The following PKHD1L1 variants were observed in gnomAD, a reference collection of about 807,000 sequenced individuals.
PKHD1L1 encodes fibrocystin-L.
In PKHD1L1, 434 loss-of-function variants were observed where a neutral mutation model predicts 462.9. The ratio of observed to expected loss-of-function variants is 0.94; its 90% CI spans 0.87 to 1.02. The LOEUF (loss-of-function observed/expected upper bound fraction) is 1.02. Among genes scored for constraint, PKHD1L1 ranks in the 50% least tolerant of loss-of-function variants. PKHD1L1 has a pLI of 0.00. For synonymous variants in PKHD1L1, 1,781 were observed against 1,750.0 expected, an observed-to-expected ratio of 1.02 and a Z score of -0.44; for missense variants, 5,202 against 5,096.1, an observed-to-expected ratio of 1.02 and a Z score of -0.63.
intron 37 of PKHD1L1, 133 bp downstream of exon 37, chr8:109,444,035 A>C (rs1815970372): frequency 1.3e-6 from 1 of 774,880 alleles, no homozygotes; most frequent in Non-Finnish European, 2.0e-6. Flanking sequence ...ACCCACTTAA[A>C]GTGTACAATT....
chr8:109,466,125 A>C (rs577611932), intron 49 of PKHD1L1, among the ~76,000 whole-genome samples: 211 of 152,322 alleles, frequency 1.4e-3, no homozygotes, highest in Non-Finnish European at 2.6e-3. Context: ...TTCAAGTATA[A>C]TCGTAACTTT....
Position 109,526,909 on chromosome 8 carries a change from A to G in PKHD1L1, c.12610A>G (p.Thr4204Ala). 2 of 1,613,386 alleles carry G rather than the reference A, an allele frequency of 1.2e-6. No homozygotes were observed. Among genetic ancestry groups the G allele is most frequent in the Non-Finnish European group, 1.7e-6 (2 of 1,179,666 alleles). ...CAGCAGCAGCAACAGCAAAGCATCAACTGTGGGTACATATGCCCAGATAAT... is the reference window on the plus strand; with the variant it reads ...CAGCAGCAGCAACAGCAAAGCATCAGCTGTGGGTACATATGCCCAGATAAT... ...SSSSSNSKASTVGTYAQIMTV... is the reference protein window; with the variant it reads ...SSSSSNSKASAVGTYAQIMTV... Residue 4204 changes from threonine to alanine, a missense_variant, in exon 77 of 78, where the codon ACT becomes GCT. By Grantham distance (58) the Thr-to-Ala change is moderately conservative (BLOSUM62 0). Coordinates refer to ENST00000378402, the MANE Select transcript of PKHD1L1 (RefSeq NM_177531.6).
Position 109,461,879 on chromosome 8 carries a change from A to T in PKHD1L1, c.7354A>T (p.Met2452Leu). Residue 2452 changes from methionine (M) to leucine (L), a missense_variant, in exon 48 of 78, where the codon ATG becomes TTG. By Grantham distance (15) the Met-to-Leu change is conservative (BLOSUM62 2). This residue lies in a region of PKHD1L1 where 4,497 missense variants were observed against 4,336.8 expected (regional missense o/e 1.04). Transcript: ENST00000378402. ...MFHAPVPGANMVTGRIEYVEV... is the reference protein window; with the variant it reads ...MFHAPVPGANLVTGRIEYVEV... ...TCATGCTCCTGTACCTGGTGCTAAC[A>T]TGGTAACTGGGAGAATAGAATATGT... 2.5e-6 allele frequency: 4 copies of T among 1,604,294 alleles called. No individual in the cohort carries two copies. In the South Asian group the frequency reaches 4.5e-5, roughly 18 times the overall value.
At chr8:109,454,501 A>T (rs1816709629) in intron 44 of PKHD1L1, among the ~76,000 whole-genome samples, 2 of 152,182 alleles carry the variant, frequency 1.3e-5, no homozygotes, top group South Asian at 4.1e-4. Flanking sequence ...TAACTCTGAG[A>T]TGTGGCTAAA....
chr8:109,426,938 C>A, intron 24 of PKHD1L1, 64 bp from the exon 25 acceptor site: 3 of 942,942 alleles, frequency 3.2e-6, no homozygotes, highest in Non-Finnish European at 5.2e-6. Context: ...CAGGCGTGAA[C>A]CACCACATCC....
Position 109,507,667 on chromosome 8 carries a change from G to T in PKHD1L1, c.10999G>T (p.Val3667Phe). Residue 3667 changes from valine to phenylalanine, a missense_variant, in exon 69 of 78, where the codon GTC becomes TTC. By Grantham distance (50) the Val-to-Phe change is conservative. Coordinates refer to ENST00000378402, the MANE Select transcript of PKHD1L1 (RefSeq NM_177531.6). ...IFIHRPDISKVNPSDCVDMVC... is the reference protein window; with the variant it reads ...IFIHRPDISKFNPSDCVDMVC... ...TAATTCAACTTTTCTCCACAGTAAG[G>T]TCAATCCATCTGATTGTGTAGACAT... The T allele has an allele frequency of 1.2e-6, 2 of 1,611,974 alleles. No individual in the cohort carries two copies. Among genetic ancestry groups the T allele is most frequent in the African/African-American group, 1.3e-5 (1 of 74,952 alleles).
chr8:109,444,992 C>A lies in PKHD1L1; in HGVS notation c.5123C>A (p.Thr1708Lys), dbSNP rs374206571. 28 of 1,613,910 alleles carry A rather than the reference C, an allele frequency of 1.7e-5. No individual in the cohort carries two copies. The South Asian group carries it at 3.0e-4, about 17-fold the overall frequency. The change falls in exon 38 of 78, where the codon ACG becomes AAG. Residue 1708 changes from threonine to lysine, a missense_variant. Physicochemically the swap from Thr to Lys is moderately conservative, Grantham distance 78. Around this residue, in one of 3 missense-constraint regions of PKHD1L1, gnomAD observed 4,497 missense variants for 4,336.8 expected, o/e 1.04. Transcript: ENST00000378402. ...FPCKVLSVNY[T>K]AIECETSPAA... ...TGTAAAGTTCTATCAGTGAATTATA[C>A]GGCCATTGAATGTGAAACATCCCCT...
chr8:109,513,276 G>A (rs1820094457), intron 71 of PKHD1L1, among the ~76,000 whole-genome samples: 2 of 152,008 alleles, frequency 1.3e-5, no homozygotes, highest in African/African-American at 2.4e-5. Context: ...TCTTGTGCCA[G>A]TTTTCAAAGG....
At chr8:109,505,987 C>A (rs2130970833) in intron 68 of PKHD1L1, among the ~76,000 whole-genome samples, 1 of 152,238 alleles carries the variant, frequency 6.6e-6, no homozygotes, top group Admixed American at 6.5e-5. Flanking sequence ...TGCTGACAGC[C>A]CAATGCTTAC....
chr8:109,487,266 G>A (rs1384220975), intron 59 of PKHD1L1, among the ~76,000 whole-genome samples: 2 of 151,866 alleles, frequency 1.3e-5, no homozygotes, highest in East Asian at 3.9e-4. Flanking sequence ...CTTTCTTCAT[G>A]CTCCTGGATT....
rs532429674 is a variant in PKHD1L1 at position 109,502,993 on chromosome 8, T to C, written c.10829-1334T>C. ...TCAGGTGAGGGAACTCTCAAGTGGC[T>C]AAACGCAATTCTTTAGAGAAGACAG... On this transcript the variant is annotated intron_variant, in intron 67 of 77. Transcript: ENST00000378402. 4.9e-4 allele frequency among the ~76,000 whole-genome samples: 75 copies of C among 152,276 alleles called. 1 individual carries two copies. The highest frequency in any genetic ancestry group is 3.4e-3 in the Middle Eastern group (1 of 294).
At position 109,433,171 on chromosome 8, in the gene PKHD1L1, A is replaced by G. The variant is rs1250309732; in HGVS notation, c.3295A>G (p.Thr1099Ala). 35 of 1,613,652 alleles carry G rather than the reference A, an allele frequency of 2.2e-5. No homozygotes were observed. Among genetic ancestry groups the G allele is most frequent in the Non-Finnish European group, 2.9e-5 (34 of 1,179,668 alleles). The change falls in exon 28 of 78, where the codon ACA becomes GCA. Residue 1099 changes from threonine to alanine, a missense_variant. Around this residue, in one of 3 missense-constraint regions of PKHD1L1, gnomAD observed 4,497 missense variants for 4,336.8 expected, o/e 1.04. Transcript: ENST00000378402. ...TGGATTTTCTCCTAGTTCAGCTGTA[A>G]CAGTCTCAGTTGGACCAGTAGGTTG... ...GSGFSPSSAV[T>A]VSVGPVGCSL...
chr8:109,388,231 T>TA (rs1212365970), intron 6 of PKHD1L1, among the ~76,000 whole-genome samples: 25 of 152,300 alleles, frequency 1.6e-4, no homozygotes, highest in African/African-American at 6.0e-4. Flanking sequence ...TATCATGTTT[T>TA]ATTCATCTTT....
intron 2 of PKHD1L1, among the ~76,000 whole-genome samples, chr8:109,372,397 ATTTTGGG>A (rs1811560002): frequency 2.0e-5 from 3 of 152,104 alleles, no homozygotes; most frequent in African/African-American, 7.2e-5. Context: ...GCTTAAGGAG[ATTTTGGG>A]CTGAGACGAC....
chr8:109,430,272 T>C (rs2130691907), intron 27 of PKHD1L1, among the ~76,000 whole-genome samples: 1 of 152,304 alleles, frequency 6.6e-6, no homozygotes, highest in East Asian at 1.9e-4. Flanking sequence ...GCCTTTGAAG[T>C]AGAGGATTTA....
chr8:109,486,465 T>G (rs903525892), intron 58 of PKHD1L1, among the ~76,000 whole-genome samples, 183 bp from the exon 59 acceptor site: 2 of 152,072 alleles, frequency 1.3e-5, no homozygotes, highest in African/African-American at 4.8e-5. Context: ...ATATTTCATT[T>G]TATAAATACG....
chr8:109,455,036 G>C (rs953530251), intron 45 of PKHD1L1, among the ~76,000 whole-genome samples, 184 bp downstream of exon 45: 17 of 152,104 alleles, frequency 1.1e-4, no homozygotes, highest in Admixed American at 9.8e-4. Flanking sequence ...GGCTAGCCCA[G>C]ACATCAAGAC....
Position 109,444,971 on chromosome 8 carries a change from A to C in PKHD1L1, c.5102A>C (p.Lys1701Thr). 6.2e-7 allele frequency: 1 copy of C among 1,613,948 alleles called. No individual in the cohort carries two copies. Among genetic ancestry groups the C allele is most frequent in the Non-Finnish European group, 8.5e-7 (1 of 1,179,880 alleles). Reference sequence around the variant, plus strand: ...GTCCTTATGGGTCATTTCCCATGTAAAGTTCTATCAGTGAATTATACGGCC... The same window carrying C: ...GTCCTTATGGGTCATTTCCCATGTACAGTTCTATCAGTGAATTATACGGCC... ...VKVLMGHFPCKVLSVNYTAIE... is the reference protein window; with the variant it reads ...VKVLMGHFPCTVLSVNYTAIE... Residue 1701 changes from lysine (K) to threonine (T), a missense_variant, in exon 38 of 78, where the codon AAA becomes ACA. By Grantham distance (78) the Lys-to-Thr change is moderately conservative. This residue lies in a region of PKHD1L1 where 4,497 missense variants were observed against 4,336.8 expected (regional missense o/e 1.04). Coordinates refer to ENST00000378402, the MANE Select transcript of PKHD1L1 (RefSeq NM_177531.6).
chr8:109,476,254 T>C (rs1817981034), intron 51 of PKHD1L1, among the ~76,000 whole-genome samples: 1 of 151,788 alleles, frequency 6.6e-6, no homozygotes, highest in Admixed American at 6.6e-5. Context: ...TTAATGTATA[T>C]GTATTTATAT....
Sources: gnomAD v4.1 joint callset for allele counts (sites outside exome capture counted in the v4.1 genomes callset) on GRCh38, gnomAD v4.1.1 for gene constraint, gnomAD v4.1.1 regional missense constraint, MANE v1.5 for transcripts, NCBI Gene and HGNC (gene_info 2026-07-23, HGNC 2026-07-21) for gene names.